The following KLHL5 variants were observed in gnomAD, a reference collection of about 807,000 sequenced individuals.
The protein encoded by KLHL5 is kelch-like protein 5.
KLHL5 carries 48 observed loss-of-function variants against 77.7 expected under a neutral mutation model. That is an observed-to-expected ratio of 0.62 (90% CI 0.49 to 0.79). KLHL5 has a LOEUF of 0.79. Among genes scored for constraint, KLHL5 ranks in the 30% least tolerant of loss-of-function variants. The pLI, the probability that KLHL5 is intolerant of heterozygous loss-of-function variation, is 0.00. For missense variants in KLHL5, 723 were observed against 859.7 expected, an observed-to-expected ratio of 0.84 and a Z score of 1.99; for synonymous variants, 260 against 297.0, an observed-to-expected ratio of 0.88 and a Z score of 1.28.
the KLHL5 span, among the ~76,000 whole-genome samples, chr4:39,143,020 T>TA: frequency 6.6e-6 from 1 of 151,990 alleles, no homozygotes; most frequent in Non-Finnish European, 1.5e-5. Context: ...ATGGATGTGG[T>TA]AAAAGTGTAT....
chr4:39,076,473 GT>G (rs1719053234), intron 2 of KLHL5, among the ~76,000 whole-genome samples: 1 of 152,088 alleles, frequency 6.6e-6, no homozygotes, highest in Admixed American at 6.5e-5. Context: ...GGCAATTAAA[GT>G]TTGTGGATAT....
chr4:39,105,713 C>T (rs553190555), intron 7 of KLHL5, among the ~76,000 whole-genome samples: 1 of 141,832 alleles, frequency 7.1e-6, no homozygotes, highest in South Asian at 2.2e-4. Context: ...TATTTATATA[C>T]ACATATATGT....
intron 1 of KLHL5, among the ~76,000 whole-genome samples, chr4:39,072,727 A>G (rs1423401842): frequency 6.6e-6 from 1 of 152,174 alleles, no homozygotes; most frequent in Non-Finnish European, 1.5e-5. Context: ...TTCCTATTAT[A>G]TGCTAAACAA....
At chr4:39,115,592 C>T (rs1318849743) in intron 10 of KLHL5, 2 of 1,426,620 alleles carry the variant, frequency 1.4e-6, no homozygotes, top group East Asian at 5.1e-5. Context: ...GTGTTCTAGC[C>T]TGATTAAAGC....
intron 5 of KLHL5, among the ~76,000 whole-genome samples, chr4:39,088,939 C>T (rs1435307496): frequency 6.6e-6 from 1 of 152,020 alleles, no homozygotes; most frequent in Non-Finnish European, 1.5e-5. Flanking sequence ...GGGGAATGGA[C>T]CAGAACATGG....
chr4:39,059,678 A>G (rs1333721454), upstream of KLHL5, among the ~76,000 whole-genome samples: 1 of 152,050 alleles, frequency 6.6e-6, no homozygotes, highest in Non-Finnish European at 1.5e-5. Flanking sequence ...AACCTGGGAG[A>G]CGGAGGTTGC....
At chr4:39,082,832 A>G (rs1719735144) in intron 4 of KLHL5, among the ~76,000 whole-genome samples, 1 of 152,166 alleles carries the variant, frequency 6.6e-6, no homozygotes, top group Admixed American at 6.5e-5. Context: ...GCATGTTGAG[A>G]GCATAGTGTT....
intron 10 of KLHL5, among the ~76,000 whole-genome samples, chr4:39,118,756 C>CAA (rs1040948148): frequency 1.4e-5 from 2 of 140,836 alleles, no homozygotes; most frequent in South Asian, 2.3e-4. Flanking sequence ...AACTCCCTCT[C>CAA]AAAAAAAAAA....
Position 39,115,260 on chromosome 4 carries a change from G to T in KLHL5, c.2003G>T (p.Gly668Val). 3 of 1,614,016 alleles carry T rather than the reference G, an allele frequency of 1.9e-6. No homozygotes were observed. Among genetic ancestry groups the T allele is most frequent in the Non-Finnish European group, 2.5e-6 (3 of 1,179,952 alleles). ...CTTGGTGATAAGTTATATGCTGTTG[G>T]GGGGTATGATGGACAGGCATACCTT... ...CLLGDKLYAV[G>V]GYDGQAYLNT... Residue 668 changes from glycine (G) to valine (V), a missense_variant, in exon 10 of 11, where the codon GGG becomes GTG. Physicochemically the swap from Gly to Val is moderately radical, Grantham distance 109. This residue lies in a region of KLHL5 where 214 missense variants were observed against 237.4 expected (regional missense o/e 0.90). Coordinates refer to ENST00000504108, the MANE Select transcript of KLHL5 (RefSeq NM_015990.5).
chr4:39,141,389 A>G, the KLHL5 span, among the ~76,000 whole-genome samples: 6 of 145,436 alleles, frequency 4.1e-5, no homozygotes, highest in Non-Finnish European at 8.9e-5. Context: ...GCTCACTGCA[A>G]GCTCCACCTG....
chr4:39,111,005 T>G (rs571212389), intron 8 of KLHL5, among the ~76,000 whole-genome samples: 2 of 152,316 alleles, frequency 1.3e-5, no homozygotes, highest in African/African-American at 4.8e-5. Context: ...ATGAACCATT[T>G]TTTAGACTCC....
chr4:39,104,041 A>G (rs1721836185), intron 7 of KLHL5, among the ~76,000 whole-genome samples: 1 of 150,472 alleles, frequency 6.6e-6, no homozygotes, highest in African/African-American at 2.4e-5. Flanking sequence ...AGTATGGTTT[A>G]TACAATACTC....
At chr4:39,045,009 C>A (rs1233595646), upstream of KLHL5, 1 of 993,516 alleles carries the variant, frequency 1.0e-6, no homozygotes, top group South Asian at 4.4e-5. Flanking sequence ...CCACTCAGCT[C>A]GCCGGCCCCG....
downstream of KLHL5, among the ~76,000 whole-genome samples, chr4:39,127,726 A>G (rs1374944877): frequency 6.6e-6 from 1 of 151,952 alleles, no homozygotes; most frequent in Non-Finnish European, 1.5e-5. Flanking sequence ...CCTCTTCCCA[A>G]AGTGCTGGGA....
At chr4:39,091,394 G>C (rs1720536739) in intron 5 of KLHL5, among the ~76,000 whole-genome samples, 1 of 152,064 alleles carries the variant, frequency 6.6e-6, no homozygotes, top group African/African-American at 2.4e-5. Flanking sequence ...TCAAAGTACT[G>C]TGATTGATTT....
At chr4:39,084,916 A>G (rs968122068) in intron 4 of KLHL5, among the ~76,000 whole-genome samples, 1 of 152,194 alleles carries the variant, frequency 6.6e-6, no homozygotes, top group African/African-American at 2.4e-5. Context: ...TATTTAATAT[A>G]CAGCTCCCTA....
upstream of KLHL5, among the ~76,000 whole-genome samples, chr4:39,059,847 C>G (rs1717267570): frequency 1.3e-5 from 2 of 152,086 alleles, no homozygotes; most frequent in Non-Finnish European, 2.9e-5. Context: ...TGTAGTGAGC[C>G]AAGATCACAC....
chr4:39,081,867 A>C lies in KLHL5; in HGVS notation c.704-96A>C, dbSNP rs1719647971. The C allele has an allele frequency of 1.2e-6, 1 of 843,572 alleles. No homozygotes were observed. The highest frequency in any genetic ancestry group is 1.7e-6 in the Non-Finnish European group (1 of 573,490). 52.3% of individuals were successfully genotyped at this position (843,572 alleles called of 1,614,324 possible). A position where few individuals can be genotyped will look rare whatever the true frequency, so the allele number is the denominator to read the frequency against. On this transcript the variant is annotated intron_variant, in intron 3 of 10. Coordinates refer to ENST00000504108, the MANE Select transcript of KLHL5 (RefSeq NM_015990.5). The surrounding 1 kb of genome is among the most constrained non-coding windows in gnomAD (Gnocchi z 4.3). The stretch of plus-strand genomic sequence containing the variant: ...ATGTAGGTCTGTAATGCATGTAATG[A>C]GCTCTTATATGGAACCACTACTGTT...
chr4:39,059,790 T>C (rs1387531154), upstream of KLHL5, among the ~76,000 whole-genome samples: 1 of 152,134 alleles, frequency 6.6e-6, no homozygotes, highest in East Asian at 1.9e-4. Flanking sequence ...TCCCAACTAC[T>C]CAGGAGGCTG....
Sources: allele counts gnomAD v4.1 joint callset (sites outside exome capture counted in the v4.1 genomes callset), GRCh38; gene constraint gnomAD v4.1.1; regional missense constraint gnomAD v4.1.1; non-coding constraint Gnocchi (gnomAD v3.1); transcripts MANE v1.5; gene names NCBI Gene and HGNC (gene_info 2026-07-23, HGNC 2026-07-21).